RPS6KC1: variants seen among roughly 807,000 people sequenced by gnomAD.
The protein encoded by RPS6KC1 is inactive ribosomal protein S6 kinase delta-1.
Under a neutral mutation model 103.8 loss-of-function variants are expected in RPS6KC1, and 54 were observed. That is an observed-to-expected ratio of 0.52 (90% CI 0.42 to 0.65). The LOEUF (loss-of-function observed/expected upper bound fraction) is 0.65, where lower values mean the gene tolerates loss of function less well. Ranked by LOEUF, RPS6KC1 falls within the 30% of genes least tolerant of loss-of-function variation. The pLI is 0.00. For missense variants in RPS6KC1, 1,151 were observed against 1,253.8 expected (o/e 0.92, Z 1.24); for synonymous variants, 439 against 438.7 (o/e 1.00, Z -0.01).
chr1:213,472,798 A>T, the RPS6KC1 span, among the ~76,000 whole-genome samples: 9 of 152,384 alleles, frequency 5.9e-5, no homozygotes, highest in South Asian at 1.9e-3. Context: ...GAAGAGCTTT[A>T]TAAGTAAGTA....
chr1:213,343,309 A>G, the RPS6KC1 span, among the ~76,000 whole-genome samples: 1 of 148,820 alleles, frequency 6.7e-6, no homozygotes, highest in Non-Finnish European at 1.5e-5. Flanking sequence ...TAAAAATTCC[A>G]GAAAGAAACA....
At chr1:213,359,310 A>G in the RPS6KC1 span, among the ~76,000 whole-genome samples, 1 of 152,146 alleles carries the variant, frequency 6.6e-6, no homozygotes, top group Non-Finnish European at 1.5e-5. Context: ...CCGTTATGTA[A>G]TGGCCTTCTT....
At chr1:213,505,545 G>C in the RPS6KC1 span, among the ~76,000 whole-genome samples, 1 of 152,216 alleles carries the variant, frequency 6.6e-6, no homozygotes, top group Non-Finnish European at 1.5e-5. Flanking sequence ...TGAGGATTGA[G>C]TTAACACATA....
chr1:213,738,582 G>A, the RPS6KC1 span, among the ~76,000 whole-genome samples: 2 of 152,078 alleles, frequency 1.3e-5, no homozygotes, highest in Non-Finnish European at 2.9e-5. Flanking sequence ...ATTAAAAAAT[G>A]TGTAAATATA....
At chr1:213,565,453 G>A in the RPS6KC1 span, among the ~76,000 whole-genome samples, 2 of 152,162 alleles carry the variant, frequency 1.3e-5, no homozygotes, top group South Asian at 2.1e-4. Context: ...CTCCTGGTAC[G>A]TGTAACACCA....
At chr1:213,738,681 C>A in the RPS6KC1 span, among the ~76,000 whole-genome samples, 1 of 151,704 alleles carries the variant, frequency 6.6e-6, no homozygotes, top group East Asian at 1.9e-4. Context: ...AGAAAAAGCT[C>A]TTGGAATTTA....
At chr1:213,069,224 A>G (rs746706956) in intron 1 of RPS6KC1, among the ~76,000 whole-genome samples, 1 of 152,176 alleles carries the variant, frequency 6.6e-6, no homozygotes, top group Non-Finnish European at 1.5e-5. Flanking sequence ...AGAAAGTTCT[A>G]TTGCATAGCA....
chr1:213,389,597 G>A, the RPS6KC1 span, among the ~76,000 whole-genome samples: 8 of 152,232 alleles, frequency 5.3e-5, no homozygotes, highest in Admixed American at 2.6e-4. Context: ...AGCAAGACCA[G>A]TGTCACCCCC....
chr1:213,559,487 A>G, the RPS6KC1 span, among the ~76,000 whole-genome samples: 2 of 152,240 alleles, frequency 1.3e-5, no homozygotes, highest in Non-Finnish European at 2.9e-5. Context: ...GCCAGTTGAA[A>G]AACAATGGAG....
chr1:213,794,020 A>G, the RPS6KC1 span, among the ~76,000 whole-genome samples: 5 of 152,196 alleles, frequency 3.3e-5, no homozygotes, highest in South Asian at 2.1e-4. Flanking sequence ...ACGAGATTAG[A>G]AAAACCGCAG....
At chr1:213,779,822 A>T in the RPS6KC1 span, among the ~76,000 whole-genome samples, 1 of 152,200 alleles carries the variant, frequency 6.6e-6, no homozygotes, top group African/African-American at 2.4e-5. Context: ...TGGGACCAAC[A>T]TGCTTTCTTT....
At chr1:213,248,626 C>T (rs1429374741) in intron 12 of RPS6KC1, among the ~76,000 whole-genome samples, 3 of 152,096 alleles carry the variant, frequency 2.0e-5, no homozygotes, top group Non-Finnish European at 4.4e-5. Flanking sequence ...AGGCAAGGCC[C>T]TTGTGGTGCA....
chr1:213,753,656 C>G, the RPS6KC1 span, among the ~76,000 whole-genome samples: 2 of 152,294 alleles, frequency 1.3e-5, no homozygotes, highest in East Asian at 1.9e-4. Context: ...CTGCAGGCAG[C>G]TTCTTTTCCA....
chr1:213,501,509 T>C, the RPS6KC1 span, among the ~76,000 whole-genome samples: 1 of 152,192 alleles, frequency 6.6e-6, no homozygotes, highest in African/African-American at 2.4e-5. Flanking sequence ...TGGTACTTGT[T>C]TGGCACATAG....
At chr1:213,155,173 G>T (rs1286696572) in intron 6 of RPS6KC1, among the ~76,000 whole-genome samples, 3 of 152,164 alleles carry the variant, frequency 2.0e-5, no homozygotes, top group Non-Finnish European at 4.4e-5. Context: ...CTCAAGTGGA[G>T]GAATGGCGTG....
At chr1:213,705,097 A>G in the RPS6KC1 span, among the ~76,000 whole-genome samples, 1 of 152,230 alleles carries the variant, frequency 6.6e-6, no homozygotes, top group African/African-American at 2.4e-5. Context: ...AGTTTTGCCC[A>G]AGGCCTGCTG....
the RPS6KC1 span, among the ~76,000 whole-genome samples, chr1:213,707,877 C>T: frequency 1.3e-5 from 2 of 152,116 alleles, no homozygotes; most frequent in African/African-American, 4.8e-5. Context: ...TTTCTGAGGT[C>T]TCTGTTCTGC....
intron 2 of RPS6KC1, among the ~76,000 whole-genome samples, chr1:213,073,999 A>T (rs1572355723): frequency 6.6e-6 from 1 of 152,340 alleles, no homozygotes; most frequent in East Asian, 1.9e-4. Flanking sequence ...ACTCAGAAAT[A>T]TATCGGGAAA....
At chr1:213,647,886 A>G in the RPS6KC1 span, among the ~76,000 whole-genome samples, 4 of 152,176 alleles carry the variant, frequency 2.6e-5, no homozygotes, top group Admixed American at 6.5e-5. Context: ...TCCCTTTATA[A>G]GCACATTTAT....
Sources: gnomAD v4.1 joint callset for allele counts (sites outside exome capture counted in the v4.1 genomes callset) on GRCh38, gnomAD v4.1.1 for gene constraint, MANE v1.5 for transcripts, NCBI Gene and HGNC (gene_info 2026-07-23, HGNC 2026-07-21) for gene names.